LARP1B: variants seen among roughly 807,000 people sequenced by gnomAD.
LARP1B encodes the protein La ribonucleoprotein 1B.
A neutral mutation model predicts 114.2 loss-of-function variants in LARP1B; 76 were observed. The ratio of observed to expected loss-of-function variants is 0.67; its 90% CI spans 0.55 to 0.81. LARP1B has a LOEUF of 0.81. Among genes scored for constraint, LARP1B ranks in the 30% least tolerant of loss-of-function variants. The probability of loss-of-function intolerance (pLI) is 0.00; values close to 1 mark genes in which losing one functional copy is unlikely to be tolerated. For synonymous variants in LARP1B, 345 were observed against 348.0 expected (o/e 0.99, Z 0.10); for missense variants, 1,014 against 1,075.8 (o/e 0.94, Z 0.80).
intron 1 of LARP1B, chr4:128,061,802 C>A: frequency 1.0e-6 from 1 of 984,862 alleles, no homozygotes; most frequent in Non-Finnish European, 1.2e-6. Context: ...GGCCGAGCAG[C>A]CGCCCCCGCC....
intron 1 of LARP1B, among the ~76,000 whole-genome samples, chr4:128,071,412 T>G (rs570938965): frequency 6.7e-6 from 1 of 149,726 alleles, no homozygotes; most frequent in African/African-American, 2.5e-5. Context: ...AGAATTGTCT[T>G]CTTTCACAAT....
chr4:128,166,788 T>A (rs1009477246), intron 12 of LARP1B, among the ~76,000 whole-genome samples: 1 of 151,172 alleles, frequency 6.6e-6, no homozygotes, highest in Non-Finnish European at 1.5e-5. Flanking sequence ...CTTTTTTTTT[T>A]AAAGATTCTA....
intron 11 of LARP1B, among the ~76,000 whole-genome samples, chr4:128,141,248 CT>C (rs1248854627): frequency 6.6e-6 from 1 of 152,126 alleles, no homozygotes; most frequent in African/African-American, 2.4e-5. Flanking sequence ...CAAAAATGTG[CT>C]GATAGGCCTT....
intron 10 of LARP1B, among the ~76,000 whole-genome samples, chr4:128,117,911 ATCTT>A (rs1357008053): frequency 7.6e-6 from 1 of 131,564 alleles, no homozygotes; most frequent in Admixed American, 9.2e-5. Context: ...TAAACAGAAA[ATCTT>A]TTTTTTTTTT....
intron 11 of LARP1B, 87 bp downstream of exon 11, chr4:128,122,275 T>C: frequency 6.5e-7 from 1 of 1,543,136 alleles, no homozygotes; most frequent in South Asian, 1.3e-5. Context: ...TGAGGCTCTA[T>C]TTTATGAAAT....
At chr4:128,064,750 A>G (rs1761753398) in intron 1 of LARP1B, among the ~76,000 whole-genome samples, 1 of 152,020 alleles carries the variant, frequency 6.6e-6, no homozygotes, top group Non-Finnish European at 1.5e-5. Flanking sequence ...AAAACTTCGA[A>G]GCCATACATG....
At chr4:128,087,069 G>A (rs1349170769) in intron 5 of LARP1B, among the ~76,000 whole-genome samples, 4 of 152,080 alleles carry the variant, frequency 2.6e-5, no homozygotes, top group Non-Finnish European at 4.4e-5. Context: ...ACAGACATGG[G>A]CCACCATGTC....
intron 1 of LARP1B, among the ~76,000 whole-genome samples, chr4:128,072,457 T>C (rs974204831): frequency 6.6e-6 from 1 of 152,152 alleles, no homozygotes; most frequent in Non-Finnish European, 1.5e-5. Context: ...CAGTCTTAGG[T>C]GTTCTCTAAT....
At chr4:128,071,288 C>CA (rs1765228723) in intron 1 of LARP1B, among the ~76,000 whole-genome samples, 1 of 151,996 alleles carries the variant, frequency 6.6e-6, no homozygotes, top group African/African-American at 2.4e-5. Flanking sequence ...CCTCGTGATC[C>CA]GCCACCTCGG....
In LARP1B at chr4:128,178,646, T is replaced by C. The variant is rs779908126; in HGVS notation, c.1896+4T>C. Reference sequence around the variant, plus strand: ...ACCAAAAGCCATTGATGTAAAGGTATACAAAACAACCAGGAATATAAGGCT... The same window carrying C: ...ACCAAAAGCCATTGATGTAAAGGTACACAAAACAACCAGGAATATAAGGCT... On this transcript the variant is annotated splice_donor_region_variant and intron_variant, in intron 14 of 19. Coordinates refer to ENST00000326639, the MANE Select transcript of LARP1B (RefSeq NM_018078.4). The C allele has an allele frequency of 8.1e-6, 13 of 1,604,476 alleles. No individual in the cohort carries two copies. The highest frequency in any genetic ancestry group is 1.1e-5 in the Non-Finnish European group (13 of 1,171,802).
At chr4:128,183,205 G>GACAAA (rs1749163270) in intron 15 of LARP1B, among the ~76,000 whole-genome samples, 3 of 152,336 alleles carry the variant, frequency 2.0e-5, no homozygotes, top group Middle Eastern at 3.4e-3. Context: ...GATTTTCAGT[G>GACAAA]TAGACAAAAC....
intron 4 of LARP1B, among the ~76,000 whole-genome samples, 154 bp from the exon 5 acceptor site, chr4:128,082,011 C>A (rs1418592563): frequency 1.3e-5 from 2 of 152,250 alleles, no homozygotes; most frequent in Admixed American, 1.3e-4. Context: ...GCTGGGATTA[C>A]AGGCATGAGC....
rs1365095312 is a variant in LARP1B, at chr4:128,062,273, C to G, written c.-78+872C>G. The stretch of plus-strand genomic sequence containing the variant: ...GCAGGGTGCGGGCAGGGGCGACTTG[C>G]GGGACTTGCCGGCGCGTGGCGGCGG... On this transcript the variant is annotated intron_variant, in intron 1 of 19. Coordinates refer to ENST00000326639, the MANE Select transcript of LARP1B (RefSeq NM_018078.4). 13 of 985,320 alleles carry G rather than the reference C, an allele frequency of 1.3e-5. No individual in the cohort carries two copies. The Admixed American group carries it at 4.9e-4, about 37-fold the overall frequency. The allele number at this position is 985,320 out of a possible 1,614,324, so 61.0% of individuals were successfully genotyped here.
chr4:128,061,579 G>T lies in LARP1B; in HGVS notation c.-78+178G>T, dbSNP rs868825698. 1.8e-4 allele frequency: 128 copies of T among 697,708 alleles called. No individual in the cohort carries two copies. In the Middle Eastern group the frequency reaches 0.012, roughly 68 times the overall value. The allele number at this position is 697,708 out of a possible 1,614,324, so 43.2% of individuals were successfully genotyped here. A position where few individuals can be genotyped will look rare whatever the true frequency, so the allele number is the denominator to read the frequency against. ...CGGCAGCGGCGGCCACGGCCGCCGG[G>T]CTCTCGGGTTGTCTGTCCCCAGTTG... On this transcript the variant is annotated intron_variant, in intron 1 of 19. Coordinates refer to ENST00000326639, the MANE Select transcript of LARP1B (RefSeq NM_018078.4).
At chr4:128,076,835 C>T (rs1768114611) in intron 3 of LARP1B, among the ~76,000 whole-genome samples, 1 of 152,050 alleles carries the variant, frequency 6.6e-6, no homozygotes, top group South Asian at 2.1e-4. Flanking sequence ...AAGTGACCCC[C>T]CCACCTCAGC....
At chr4:128,186,104 G>T (rs1381838988) in intron 15 of LARP1B, among the ~76,000 whole-genome samples, 1 of 152,108 alleles carries the variant, frequency 6.6e-6, no homozygotes, top group Non-Finnish European at 1.5e-5. Flanking sequence ...TTGAAGTTGG[G>T]TAGTGTGATG....
intron 11 of LARP1B, among the ~76,000 whole-genome samples, chr4:128,143,990 T>C (rs1212039679): frequency 6.6e-6 from 1 of 152,156 alleles, no homozygotes; most frequent in Non-Finnish European, 1.5e-5. Flanking sequence ...ACAGGGTTTC[T>C]CAACCTCAGT....
At chr4:128,107,423 C>G in intron 9 of LARP1B, 110 bp downstream of exon 9, 2 of 1,522,338 alleles carry the variant, frequency 1.3e-6, no homozygotes, top group Non-Finnish European at 1.8e-6. Flanking sequence ...AAAATTAAAG[C>G]TAACTGAAAG....
chr4:128,196,123 C>T (rs113136722), intron 15 of LARP1B, among the ~76,000 whole-genome samples: 5 of 151,256 alleles, frequency 3.3e-5, no homozygotes, highest in African/African-American at 1.2e-4. Context: ...TGGTGGTGGG[C>T]GCCTGTAGTC....
Sources: gnomAD v4.1 joint callset for allele counts (sites outside exome capture counted in the v4.1 genomes callset) on GRCh38, gnomAD v4.1.1 for gene constraint, MANE v1.5 for transcripts, NCBI Gene and HGNC (gene_info 2026-07-23, HGNC 2026-07-21) for gene names.